Variants in IMMP1L observed in about 807,000 individuals in gnomAD.
The protein encoded by IMMP1L is mitochondrial inner membrane protease subunit 1.
In IMMP1L, 24 loss-of-function variants were observed where a neutral mutation model predicts 21.8. That is an observed-to-expected ratio of 1.10 (90% CI 0.80 to 1.55). The LOEUF (loss-of-function observed/expected upper bound fraction) is 1.55. Ranked by LOEUF, IMMP1L falls within the 40% of genes most tolerant of loss-of-function variation. The pLI, the probability that IMMP1L is intolerant of heterozygous loss-of-function variation, is 0.00. For missense variants in IMMP1L, 195 were observed against 200.7 expected (o/e 0.97, Z 0.17); for synonymous variants, 46 against 62.8 (o/e 0.73, Z 1.26).
intron 2 of IMMP1L, among the ~76,000 whole-genome samples, chr11:31,462,793 T>A (rs1954196362): frequency 6.6e-6 from 1 of 152,214 alleles, no homozygotes; most frequent in Non-Finnish European, 1.5e-5. Flanking sequence ...GTATAATGGA[T>A]TACTAGTAAG....
chr11:31,500,965 T>C (rs1232158782), intron 1 of IMMP1L, among the ~76,000 whole-genome samples: 1 of 152,238 alleles, frequency 6.6e-6, no homozygotes, highest in African/African-American at 2.4e-5. Context: ...TGTGATTTAA[T>C]ATAGTACAAA....
At chr11:31,469,284 G>T (rs1342593725) in intron 1 of IMMP1L, among the ~76,000 whole-genome samples, 2 of 151,580 alleles carry the variant, frequency 1.3e-5, no homozygotes, top group African/African-American at 4.8e-5. Context: ...GTACAAAACA[G>T]AAAGAGAGCA....
intron 1 of IMMP1L, among the ~76,000 whole-genome samples, chr11:31,496,176 A>G (rs1316623254): frequency 1.3e-5 from 2 of 152,096 alleles, no homozygotes; most frequent in African/African-American, 2.4e-5. Flanking sequence ...TTCAAAAGAC[A>G]TCTCTCCAGA....
At chr11:31,495,798 G>A (rs1029860273) in intron 1 of IMMP1L, among the ~76,000 whole-genome samples, 2 of 152,076 alleles carry the variant, frequency 1.3e-5, no homozygotes, top group Non-Finnish European at 2.9e-5. Flanking sequence ...ACATGGTATT[G>A]AGAAAACTAG....
At chr11:31,447,199 T>A (rs139697988) in intron 4 of IMMP1L, among the ~76,000 whole-genome samples, 11 of 152,290 alleles carry the variant, frequency 7.2e-5, no homozygotes, top group Non-Finnish European at 1.5e-4. Context: ...GTCTGGCAAA[T>A]TTTGTATACT....
intron 4 of IMMP1L, chr11:31,453,195 A>T (rs1953816639): frequency 1.1e-6 from 1 of 934,274 alleles, no homozygotes; most frequent in South Asian, 1.5e-5. Flanking sequence ...TCTGGAAAGA[A>T]TAAAATGATC....
intron 1 of IMMP1L, among the ~76,000 whole-genome samples, chr11:31,468,362 T>C (rs181361543): frequency 3.8e-4 from 58 of 152,284 alleles, no homozygotes; most frequent in African/African-American, 1.4e-3. Context: ...CTAATAATCA[T>C]GGATACAGAG....
At chr11:31,495,018 C>G (rs1244818265) in intron 1 of IMMP1L, among the ~76,000 whole-genome samples, 1 of 152,178 alleles carries the variant, frequency 6.6e-6, no homozygotes, top group Non-Finnish European at 1.5e-5. Flanking sequence ...ACCAGATACC[C>G]TAAATCATTT....
At chr11:31,491,637 C>T (rs1955259734) in intron 1 of IMMP1L, among the ~76,000 whole-genome samples, 1 of 152,124 alleles carries the variant, frequency 6.6e-6, no homozygotes, top group African/African-American at 2.4e-5. Context: ...CAAAGAAAAA[C>T]CTATGATTTG....
chr11:31,480,230 T>C (rs1564998782), intron 1 of IMMP1L, among the ~76,000 whole-genome samples: 1 of 152,040 alleles, frequency 6.6e-6, no homozygotes, highest in Non-Finnish European at 1.5e-5. Context: ...TACATTTAAG[T>C]AATAACTACA....
At chr11:31,442,208 T>A (rs1320864092) in intron 4 of IMMP1L, among the ~76,000 whole-genome samples, 1 of 152,174 alleles carries the variant, frequency 6.6e-6, no homozygotes, top group Non-Finnish European at 1.5e-5. Context: ...TAAAACCTAA[T>A]CTCAGGGCTG....
intron 1 of IMMP1L, among the ~76,000 whole-genome samples, chr11:31,506,686 G>C (rs1249596000): frequency 6.7e-6 from 1 of 149,976 alleles, no homozygotes; most frequent in South Asian, 2.1e-4. Context: ...AGGCGGCTGG[G>C]CGCGGTGGCT....
At chr11:31,467,156 A>C (rs573334336) in intron 1 of IMMP1L, among the ~76,000 whole-genome samples, 6 of 152,302 alleles carry the variant, frequency 3.9e-5, no homozygotes, top group Admixed American at 6.5e-5. Context: ...CAAATATTTA[A>C]GTCATTTCTC....
chr11:31,436,014 A>C (rs1358943943), intron 4 of IMMP1L, among the ~76,000 whole-genome samples: 6 of 151,464 alleles, frequency 4.0e-5, no homozygotes, highest in Non-Finnish European at 7.4e-5. Flanking sequence ...GGCAGTGTCA[A>C]ATATTATTCT....
chr11:31,476,867 A>T (rs1954747639), intron 1 of IMMP1L, among the ~76,000 whole-genome samples: 1 of 152,164 alleles, frequency 6.6e-6, no homozygotes, highest in Non-Finnish European at 1.5e-5. Context: ...AGTACTTGAT[A>T]AAGTTTTTAG....
chr11:31,496,775 T>C (rs955028075), intron 1 of IMMP1L, among the ~76,000 whole-genome samples: 3 of 148,490 alleles, frequency 2.0e-5, no homozygotes, highest in South Asian at 4.2e-4. Context: ...TGATATAGGA[T>C]AATCATATAT....
At chr11:31,490,896 A>G (rs1955231738) in intron 1 of IMMP1L, among the ~76,000 whole-genome samples, 1 of 152,238 alleles carries the variant, frequency 6.6e-6, no homozygotes, top group Non-Finnish European at 1.5e-5. Context: ...AAAAGGACAC[A>G]GGAAGACACA....
rs988433178 is a variant in IMMP1L, at chr11:31,453,159, T to C, written c.321+3101A>G. 1.1e-5 allele frequency: 14 copies of C among 1,239,176 alleles called. No homozygotes were observed. In the African/African-American group the frequency reaches 1.9e-4, roughly 17 times the overall value. The allele number at this position is 1,239,176 out of a possible 1,614,324, so 76.8% of individuals were successfully genotyped here. A position where few individuals can be genotyped will look rare whatever the true frequency, so the allele number is the denominator to read the frequency against. On this transcript the variant is annotated intron_variant, in intron 4 of 5. Coordinates refer to ENST00000532287, the MANE Select transcript of IMMP1L (RefSeq NM_001304274.2). ...CATGTGGTCTTTTAAAACTCTGGAA[T>C]GGAAAACAAACAAACAAAAAAGAAC...
chr11:31,495,552 A>G (rs1460187151), intron 1 of IMMP1L, among the ~76,000 whole-genome samples: 1 of 152,134 alleles, frequency 6.6e-6, no homozygotes, highest in Non-Finnish European at 1.5e-5. Context: ...GGAAACTTAC[A>G]CTCATGGCGA....
Sources: gnomAD v4.1 joint callset for allele counts (sites outside exome capture counted in the v4.1 genomes callset) on GRCh38, gnomAD v4.1.1 for gene constraint, MANE v1.5 for transcripts, NCBI Gene and HGNC (gene_info 2026-07-23, HGNC 2026-07-21) for gene names.